MAP4K4: variants seen among roughly 807,000 people sequenced by gnomAD.
MAP4K4 encodes mitogen-activated protein kinase kinase kinase kinase 4.
MAP4K4 carries 38 observed loss-of-function variants against 189.6 expected under a neutral mutation model. That is an observed-to-expected ratio of 0.20 (90% confidence interval 0.15 to 0.26). The LOEUF (loss-of-function observed/expected upper bound fraction) is 0.26, where lower values mean the gene tolerates loss of function less well. Among genes scored for constraint, MAP4K4 ranks in the 10% least tolerant of loss-of-function variants. The probability of loss-of-function intolerance (pLI) is 1.00; values close to 1 mark genes in which losing one functional copy is unlikely to be tolerated. For missense variants in MAP4K4, 1,054 were observed against 1,726.9 expected (o/e 0.61, Z 6.91); for synonymous variants, 610 against 624.3 (o/e 0.98, Z 0.34).
intron 21 of MAP4K4, 90 bp from the exon 22 acceptor site, chr2:101,869,532 A>T: frequency 9.9e-7 from 1 of 1,007,710 alleles, no homozygotes; most frequent in Non-Finnish European, 1.5e-6. Context: ...CAAAACTGAC[A>T]TTGTGGCAAT....
intron 2 of MAP4K4, among the ~76,000 whole-genome samples, chr2:101,707,551 C>G (rs368705482): frequency 6.6e-6 from 1 of 151,946 alleles, no homozygotes; most frequent in African/African-American, 2.4e-5. Flanking sequence ...TTTGCTCTGT[C>G]CCCCAGGCTG....
At chr2:101,802,512 C>G (rs2094463190) in intron 3 of MAP4K4, among the ~76,000 whole-genome samples, 1 of 152,150 alleles carries the variant, frequency 6.6e-6, no homozygotes, top group Non-Finnish European at 1.5e-5. Flanking sequence ...TTTCTCCACC[C>G]TGCTCGCCTG....
Position 101,823,909 on chromosome 2 carries a change from A to G in MAP4K4, c.181-19A>G, listed in dbSNP as rs775877499. On this transcript the variant is annotated intron_variant, in intron 3 of 32. Transcript: ENST00000324219. Reference sequence around the variant, plus strand: ...ACATCGTTCAGTAGCCACACATTTTATTTTTATTTTTTCATAAGGATGAAG... The same window carrying G: ...ACATCGTTCAGTAGCCACACATTTTGTTTTTATTTTTTCATAAGGATGAAG... 3.8e-6 allele frequency: 6 copies of G among 1,582,314 alleles called. No individual in the cohort carries two copies. Among genetic ancestry groups the G allele is most frequent in the Admixed American group, 3.6e-5 (2 of 55,440 alleles).
At chr2:101,844,960 G>A (rs2097049300) in intron 12 of MAP4K4, among the ~76,000 whole-genome samples, 2 of 152,032 alleles carry the variant, frequency 1.3e-5, no homozygotes, top group Non-Finnish European at 2.9e-5. Context: ...GATAAGATTT[G>A]GACATAGAGG....
At chr2:101,843,494 A>T (rs2096983311) in intron 11 of MAP4K4, among the ~76,000 whole-genome samples, 1 of 152,218 alleles carries the variant, frequency 6.6e-6, no homozygotes, top group South Asian at 2.1e-4. Flanking sequence ...GGAGCACTGT[A>T]TGACGAAAAA....
At chr2:101,831,114 G>T (rs1306484027) in intron 6 of MAP4K4, among the ~76,000 whole-genome samples, 1 of 152,192 alleles carries the variant, frequency 6.6e-6, no homozygotes, top group Non-Finnish European at 1.5e-5. Flanking sequence ...TGCCAGCTCT[G>T]CCTCCCGTCC....
chr2:101,861,075 G>A (rs1365661564), intron 16 of MAP4K4, 89 bp downstream of exon 16: 1 of 1,223,080 alleles, frequency 8.2e-7, no homozygotes, highest in East Asian at 2.5e-5. Flanking sequence ...AGTTTAGTTT[G>A]TCACCACACT....
rs1370616405 is a variant in MAP4K4 at position 101,759,501 on chromosome 2, CT to C, written c.124-31218del. 6.3e-5 allele frequency among the ~76,000 whole-genome samples: 4 copies of C among 63,260 alleles called. No individual in the cohort carries two copies. The East Asian group carries it at 1.7e-3, about 27-fold the overall frequency. 41.5% of individuals were successfully genotyped at this position (63,260 alleles called of 152,430 possible). A position where few individuals can be genotyped will look rare whatever the true frequency, so the allele number is the denominator to read the frequency against. On this transcript the variant is annotated intron_variant, in intron 2 of 32. Coordinates refer to ENST00000324219, the Ensembl canonical transcript of MAP4K4. ...CTCCCCTCCCCTCCCCTCTCCTCCC[CT>C]CTCCCCTCCCCTCCCCATTCCCCTC...
intron 2 of MAP4K4, among the ~76,000 whole-genome samples, chr2:101,760,155 T>C (rs1463802866): frequency 6.6e-6 from 1 of 151,958 alleles, no homozygotes; most frequent in African/African-American, 2.4e-5. Flanking sequence ...AGCTTTTTCT[T>C]TTTCTTTTTT....
intron 7 of MAP4K4, 56 bp downstream of exon 7, chr2:101,831,907 G>A (rs976614249): frequency 3.8e-6 from 6 of 1,583,666 alleles, no homozygotes; most frequent in South Asian, 2.3e-5. Context: ...CCCGAGGGAT[G>A]GGGGCTTTGC....
In MAP4K4 at chr2:101,867,417, C is replaced by G. The variant is rs143202294; in HGVS notation, c.2454+108C>G. ...CAGTCTTTTCTGCGAGGGCCCCTCA[C>G]AGATTTGAGGAATTATAAGGAATGA... On this transcript the variant is annotated intron_variant, in intron 20 of 32. Transcript: ENST00000324219. 990 of 764,350 alleles carry G rather than the reference C, an allele frequency of 1.3e-3. 6 individuals are homozygous for G. In the African/African-American group the frequency reaches 0.015, roughly 12 times the overall value. 47.3% of individuals were successfully genotyped at this position (764,350 alleles called of 1,614,324 possible).
intron 3 of MAP4K4, among the ~76,000 whole-genome samples, chr2:101,819,966 A>G (rs750165501): frequency 1.2e-4 from 19 of 152,218 alleles, no homozygotes; most frequent in Non-Finnish European, 2.4e-4. Context: ...CAATGTGCCA[A>G]TTCGGGAGTT....
intron 2 of MAP4K4, among the ~76,000 whole-genome samples, chr2:101,703,785 G>A (rs1394285475): frequency 6.6e-6 from 1 of 151,912 alleles, no homozygotes; most frequent in East Asian, 1.9e-4. Context: ...AGGCCGAGGC[G>A]GGTGGATAAC....
chr2:101,783,928 T>G (rs529816154), intron 2 of MAP4K4, among the ~76,000 whole-genome samples: 1 of 152,348 alleles, frequency 6.6e-6, no homozygotes, highest in Non-Finnish European at 1.5e-5. Flanking sequence ...GTGACACAGC[T>G]TCTAGTCTTG....
intron 2 of MAP4K4, among the ~76,000 whole-genome samples, chr2:101,775,393 A>G (rs1279481088): frequency 1.3e-5 from 2 of 151,816 alleles, no homozygotes; most frequent in African/African-American, 2.4e-5. Flanking sequence ...CAAGTGGGGT[A>G]ACTGCTGTGG....
exon 33 of MAP4K4, chr2:101,894,273 T>C (rs1394004107): frequency 4.6e-5 from 7 of 152,778 alleles, no homozygotes; most frequent in Non-Finnish European, 8.8e-5. Context: ...TAGTCAGAGC[T>C]TTCACAAGTA....
intron 2 of MAP4K4, among the ~76,000 whole-genome samples, chr2:101,759,130 C>A (rs2150112433): frequency 1.1e-5 from 1 of 88,462 alleles, no homozygotes; most frequent in African/African-American, 5.7e-5. Flanking sequence ...AAGACTCCAT[C>A]TCAAAAAAAA....
At chr2:101,844,748 T>G (rs1046057933) in intron 12 of MAP4K4, among the ~76,000 whole-genome samples, 2 of 151,476 alleles carry the variant, frequency 1.3e-5, no homozygotes, top group African/African-American at 4.9e-5. Flanking sequence ...ACATGAAAGT[T>G]TTTTTTTTTC....
intron 2 of MAP4K4, among the ~76,000 whole-genome samples, chr2:101,729,187 C>G (rs2057267293): frequency 6.6e-6 from 1 of 151,434 alleles, no homozygotes; most frequent in Non-Finnish European, 1.5e-5. Flanking sequence ...CCCTGGAAAT[C>G]TGCTCGATGT....
Sources: gnomAD v4.1 joint callset for allele counts (sites outside exome capture counted in the v4.1 genomes callset) on GRCh38, gnomAD v4.1.1 for gene constraint, MANE v1.5 for transcripts, NCBI Gene and HGNC (gene_info 2026-07-23, HGNC 2026-07-21) for gene names.